SVOPL: variants seen among roughly 807,000 people sequenced by gnomAD.
The protein encoded by SVOPL is putative transporter SVOPL.
In SVOPL, 60 loss-of-function variants were observed where a neutral mutation model predicts 61.0. The ratio of observed to expected loss-of-function variants is 0.98; its 90% CI spans 0.80 to 1.22. SVOPL has a LOEUF of 1.22. Ranked by LOEUF, SVOPL falls within the 50% of genes most tolerant of loss-of-function variation. SVOPL has a pLI of 0.00. For synonymous variants in SVOPL, 279 were observed against 250.0 expected (o/e 1.12, Z -1.09); for missense variants, 662 against 643.9 (o/e 1.03, Z -0.30).
At chr7:138,699,291 C>T (rs991862375) in intron 1 of SVOPL, among the ~76,000 whole-genome samples, 1 of 151,856 alleles carries the variant, frequency 6.6e-6, no homozygotes, top group African/African-American at 2.4e-5. Context: ...GCGACAACAG[C>T]GAAACTCCAT....
chr7:138,617,910 A>T (rs1799371285), intron 14 of SVOPL, among the ~76,000 whole-genome samples: 1 of 152,188 alleles, frequency 6.6e-6, no homozygotes, highest in Non-Finnish European at 1.5e-5. Context: ...GAATCCAAGG[A>T]TCTGTGATCA....
At chr7:138,598,024 G>A (rs1248003983) in intron 14 of SVOPL, among the ~76,000 whole-genome samples, 2 of 152,180 alleles carry the variant, frequency 1.3e-5, no homozygotes, top group Admixed American at 1.3e-4. Flanking sequence ...TCCAGTAGAT[G>A]TTACTGGGTA....
intron 1 of SVOPL, among the ~76,000 whole-genome samples, chr7:138,698,240 A>C (rs559690870): frequency 6.6e-6 from 1 of 152,270 alleles, no homozygotes; most frequent in South Asian, 2.1e-4. Context: ...TTCTGCCTGC[A>C]TTTCCTCATC....
chr7:138,675,566 G>A (rs914153972), intron 3 of SVOPL, among the ~76,000 whole-genome samples: 15 of 152,058 alleles, frequency 9.9e-5, no homozygotes, highest in African/African-American at 3.1e-4. Flanking sequence ...ATGTTGATAA[G>A]ATTGGTCTCC....
intron 9 of SVOPL, among the ~76,000 whole-genome samples, chr7:138,633,553 G>A (rs1584808394): frequency 6.7e-6 from 1 of 150,260 alleles, no homozygotes; most frequent in Non-Finnish European, 1.5e-5. Context: ...TGCCGTGATT[G>A]TACAGTCTGC....
intron 14 of SVOPL, among the ~76,000 whole-genome samples, chr7:138,610,338 T>C (rs1798944603): frequency 6.6e-6 from 1 of 151,854 alleles, no homozygotes; most frequent in African/African-American, 2.4e-5. Context: ...GATATTTGGG[T>C]GAAATTTATA....
intron 4 of SVOPL, among the ~76,000 whole-genome samples, chr7:138,667,862 A>G (rs1802307760): frequency 6.6e-6 from 1 of 152,146 alleles, no homozygotes; most frequent in Non-Finnish European, 1.5e-5. Flanking sequence ...TAGCTTTGGG[A>G]GTAACTTACT....
rs778313946 is a variant in SVOPL at position 138,630,069 on chromosome 7, T to C, written c.843A>G (p.Thr281=). 6.2e-7 allele frequency: 1 copy of C among 1,613,992 alleles called. No individual in the cohort carries two copies. The highest frequency in any genetic ancestry group is 8.5e-7 in the Non-Finnish European group (1 of 1,179,852). ...DLLDAKYLRT[T]LQIWVIWLGI... ...CTTACCATATGACCCAGATCTGTAA[T>C]GTGGTCCGTAAATATTTAGCATCCA... Residue 281 remains threonine, a synonymous_variant, in exon 10 of 16, where the codon ACA becomes ACG. Coordinates refer to ENST00000674285, the MANE Select transcript of SVOPL (RefSeq NM_001139456.2).
At chr7:138,630,943 C>CAAAAAAAGAA (rs1800151101) in intron 9 of SVOPL, among the ~76,000 whole-genome samples, 1 of 59,144 alleles carries the variant, frequency 1.7e-5, no homozygotes, top group Non-Finnish European at 3.3e-5. Context: ...AACTCCATCT[C>CAAAAAAAGAA]AAAAAAAGAA....
chr7:138,674,717 G>T (rs6956608), intron 3 of SVOPL, among the ~76,000 whole-genome samples: 1 of 152,016 alleles, frequency 6.6e-6, no homozygotes, highest in Admixed American at 6.6e-5. Context: ...TTAGCTGGGC[G>T]TGGTGGCAGG....
intron 7 of SVOPL, among the ~76,000 whole-genome samples, chr7:138,656,013 C>A (rs539327280): frequency 6.6e-6 from 1 of 152,090 alleles, no homozygotes; most frequent in Non-Finnish European, 1.5e-5. Context: ...AAGAAGAAGT[C>A]CATTGATGTG....
chr7:138,644,631 TC>T, intron 9 of SVOPL, 85 bp downstream of exon 9: 1 of 1,531,392 alleles, frequency 6.5e-7, no homozygotes, highest in Non-Finnish European at 8.8e-7. Flanking sequence ...AGAACAAGGG[TC>T]CCCCCTCCCT....
Position 138,679,206 on chromosome 7 carries a change from T to C in SVOPL, c.-34-127A>G, listed in dbSNP as rs1802648301. 3 of 624,258 alleles carry C rather than the reference T, an allele frequency of 4.8e-6. No individual in the cohort carries two copies. The Admixed American group carries it at 9.2e-5, about 19-fold the overall frequency. The allele number at this position is 624,258 out of a possible 1,614,324, so 38.7% of individuals were successfully genotyped here. A position where few individuals can be genotyped will look rare whatever the true frequency, so the allele number is the denominator to read the frequency against. ...AAAAATCGAATGAGGTATGTATTTT[T>C]ATCCTCTTTTCACACCGGGCCTCTG... On this transcript the variant is annotated intron_variant, in intron 1 of 15. Transcript: ENST00000674285.
intron 5 of SVOPL, chr7:138,660,863 T>C: frequency 4.1e-6 from 4 of 985,254 alleles, no homozygotes; most frequent in Non-Finnish European, 4.8e-6. Context: ...TCTATATACT[T>C]GCAAGTCATG....
chr7:138,659,024 A>G (rs1249223248), intron 6 of SVOPL, among the ~76,000 whole-genome samples: 1 of 152,098 alleles, frequency 6.6e-6, no homozygotes, highest in African/African-American at 2.4e-5. Context: ...TCCCTCTAGC[A>G]TTAGCATCAA....
At chr7:138,639,986 C>T (rs1179091250) in intron 9 of SVOPL, among the ~76,000 whole-genome samples, 1 of 151,892 alleles carries the variant, frequency 6.6e-6, no homozygotes, top group Non-Finnish European at 1.5e-5. Flanking sequence ...AAAATCTTGG[C>T]CTCAAGTGAT....
At chr7:138,614,712 AG>A (rs1799211042) in intron 14 of SVOPL, among the ~76,000 whole-genome samples, 1 of 152,062 alleles carries the variant, frequency 6.6e-6, no homozygotes, top group Non-Finnish European at 1.5e-5. Flanking sequence ...TGAACTTCAA[AG>A]GGGTGATAAG....
intron 1 of SVOPL, among the ~76,000 whole-genome samples, chr7:138,685,063 G>A (rs1802777019): frequency 6.6e-6 from 1 of 151,688 alleles, no homozygotes; most frequent in African/African-American, 2.4e-5. Flanking sequence ...CTCCCAACTA[G>A]CTGGGATTAC....
At chr7:138,619,258 A>G (rs566017673) in intron 14 of SVOPL, among the ~76,000 whole-genome samples, 3 of 151,992 alleles carry the variant, frequency 2.0e-5, no homozygotes, top group Non-Finnish European at 4.4e-5. Flanking sequence ...TAAATAAATA[A>G]ATAGTCAGGC....
Sources: allele counts gnomAD v4.1 joint callset (sites outside exome capture counted in the v4.1 genomes callset), GRCh38; gene constraint gnomAD v4.1.1; transcripts MANE v1.5; gene names NCBI Gene and HGNC (gene_info 2026-07-23, HGNC 2026-07-21).